Variants in TANGO6 observed in about 807,000 individuals in gnomAD.
TANGO6 encodes the protein transport and golgi organization 6 homolog, also known as transport and Golgi organization protein 6 homolog.
TANGO6 carries 90 observed loss-of-function variants against 114.2 expected under a neutral mutation model. The ratio of observed to expected loss-of-function variants is 0.79; its 90% CI spans 0.66 to 0.94. The LOEUF is 0.94. Among genes scored for constraint, TANGO6 ranks in the 40% least tolerant of loss-of-function variants. The probability of loss-of-function intolerance (pLI) is 0.00; values close to 1 mark genes in which losing one functional copy is unlikely to be tolerated. For synonymous variants in TANGO6, 477 were observed against 509.8 expected, an observed-to-expected ratio of 0.94 and a Z score of 0.87; for missense variants, 1,274 against 1,315.3, an observed-to-expected ratio of 0.97 and a Z score of 0.49.
chr16:69,075,023 G>T (rs886858402), intron 17 of TANGO6, among the ~76,000 whole-genome samples: 1 of 151,760 alleles, frequency 6.6e-6, no homozygotes, highest in Non-Finnish European at 1.5e-5. Context: ...TAATTTTTTA[G>T]TAGAGACGGG....
Position 68,907,562 on chromosome 16 carries a change from T to A in TANGO6, c.1787T>A (p.Ile596Asn). The change falls in exon 10 of 18, where the codon ATC becomes AAC. Residue 596 changes from isoleucine (I) to asparagine (N), a missense_variant. By Grantham distance (149) the Ile-to-Asn change is moderately radical (BLOSUM62 -3). This residue lies in a region of TANGO6 where 908 missense variants were observed against 910.2 expected (regional missense o/e 1.00). Coordinates refer to ENST00000261778, the MANE Select transcript of TANGO6 (RefSeq NM_024562.2). ...QECGLAGDFFIFCLKELTHVA... is the reference protein window; with the variant it reads ...QECGLAGDFFNFCLKELTHVA... ...TGCGGTTTGGCAGGAGACTTCTTCA[T>A]CTTCTGTTTGAAAGTAAGAACTACC... is the stretch of plus-strand genomic sequence containing the variant. 1 of 1,612,732 alleles carries A rather than the reference T, an allele frequency of 6.2e-7. No homozygotes were observed. The highest frequency in any genetic ancestry group is 8.5e-7 in the Non-Finnish European group (1 of 1,179,498).
intron 17 of TANGO6, among the ~76,000 whole-genome samples, chr16:69,063,984 G>C (rs933500895): frequency 2.6e-5 from 4 of 152,004 alleles, no homozygotes; most frequent in African/African-American, 9.7e-5. Context: ...TTACAGGCAT[G>C]TGCCACCACG....
At chr16:69,078,866 T>C (rs984529001) in intron 17 of TANGO6, among the ~76,000 whole-genome samples, 1 of 152,030 alleles carries the variant, frequency 6.6e-6, no homozygotes, top group African/African-American at 2.4e-5. Context: ...CTCAGCCTCC[T>C]ATCTCAGCCT....
chr16:69,054,796 C>T (rs1960007264), intron 17 of TANGO6, among the ~76,000 whole-genome samples: 1 of 150,968 alleles, frequency 6.6e-6, no homozygotes. Context: ...AAAAAATTAG[C>T]AGGGCGCGGT....
At chr16:68,928,117 C>G in intron 13 of TANGO6, 34 bp downstream of exon 13, 1 of 1,512,908 alleles carries the variant, frequency 6.6e-7, no homozygotes, top group Non-Finnish European at 8.8e-7. Context: ...CACATGGGCA[C>G]AGGGTGGGGC....
chr16:69,030,078 A>G (rs1959570405), intron 16 of TANGO6, among the ~76,000 whole-genome samples: 1 of 148,694 alleles, frequency 6.7e-6, no homozygotes, highest in Non-Finnish European at 1.5e-5. Flanking sequence ...ACCGCACCCC[A>G]GCCTGGGCGA....
chr16:69,072,884 A>T (rs1393678292), intron 17 of TANGO6, among the ~76,000 whole-genome samples: 1 of 151,996 alleles, frequency 6.6e-6, no homozygotes, highest in Non-Finnish European at 1.5e-5. Flanking sequence ...TAACAAGTAA[A>T]AGCTGACTTT....
At chr16:69,000,693 G>A (rs553732143) in intron 15 of TANGO6, among the ~76,000 whole-genome samples, 1 of 152,080 alleles carries the variant, frequency 6.6e-6, no homozygotes, top group Non-Finnish European at 1.5e-5. Flanking sequence ...CCACGTTCAG[G>A]CAATACTCCT....
At chr16:68,954,683 T>A (rs79322642) in intron 14 of TANGO6, among the ~76,000 whole-genome samples, 8,418 of 152,296 alleles carry the variant, frequency 0.055, 320 homozygotes, top group Non-Finnish European at 0.077. Flanking sequence ...GCAATGAGAA[T>A]GTTTGGATAT....
At chr16:68,892,339 G>A (rs541076900) in intron 7 of TANGO6, among the ~76,000 whole-genome samples, 179 of 152,254 alleles carry the variant, frequency 1.2e-3, no homozygotes, top group African/African-American at 4.2e-3. Context: ...AAGCCGAGGT[G>A]CAATTAGGAA....
rs34350425 is a variant in TANGO6 at position 69,020,904 on chromosome 16, ATGTGTGTG to A, written c.2843-1893_2843-1886del. Among the ~76,000 whole-genome samples the A allele has an allele frequency of 9.0e-3, 782 of 87,350 alleles. 9 individuals are homozygous for A. The highest frequency in any genetic ancestry group is 0.021 in the African/African-American group (748 of 34,908). The allele number at this position is 87,350 out of a possible 152,430, so 57.3% of individuals were successfully genotyped here. ...CCACCCCCCCTTTATATATGTATGTATGTGTGTGTGTGTGTGTGTGTGTGTGTGTGTGT... is the reference window on the plus strand; with the variant it reads ...CCACCCCCCCTTTATATATGTATGTATGTGTGTGTGTGTGTGTGTGTGTGT... On this transcript the variant is annotated intron_variant, in intron 15 of 17. Coordinates refer to ENST00000261778, the MANE Select transcript of TANGO6 (RefSeq NM_024562.2).
intron 16 of TANGO6, 123 bp from the exon 17 acceptor site, chr16:69,040,185 A>G: frequency 1.3e-6 from 1 of 784,624 alleles, no homozygotes; most frequent in Non-Finnish European, 2.1e-6. Flanking sequence ...TTAAGCAACT[A>G]TCCAGCCCTC....
chr16:68,979,150 G>A (rs936229604), intron 15 of TANGO6, among the ~76,000 whole-genome samples: 1 of 151,756 alleles, frequency 6.6e-6, no homozygotes, highest in Non-Finnish European at 1.5e-5. Context: ...CGACCCCCTG[G>A]GCTCAAGTGA....
chr16:69,003,918 T>A (rs1597054411), intron 15 of TANGO6, among the ~76,000 whole-genome samples: 1 of 152,028 alleles, frequency 6.6e-6, no homozygotes, highest in East Asian at 1.9e-4. Flanking sequence ...CTCTTTCCCC[T>A]ACTTACTGTT....
chr16:69,062,685 C>T (rs1243627189), intron 17 of TANGO6, among the ~76,000 whole-genome samples: 1 of 149,942 alleles, frequency 6.7e-6, no homozygotes, highest in African/African-American at 2.4e-5. Flanking sequence ...GTGGGCGAGG[C>T]TGGTCTGGAA....
chr16:68,962,754 T>C (rs539973045), intron 14 of TANGO6, among the ~76,000 whole-genome samples: 75 of 150,560 alleles, frequency 5.0e-4, no homozygotes, highest in African/African-American at 1.7e-3. Flanking sequence ...AGAGCAAAAC[T>C]CTGTCTCAAA....
At chr16:68,914,879 T>G (rs547235386) in intron 11 of TANGO6, among the ~76,000 whole-genome samples, 1,046 of 97,010 alleles carry the variant, frequency 0.011, 16 homozygotes, top group African/African-American at 0.044. Flanking sequence ...GTTCCCTGGG[T>G]TTTTTTTTTT....
chr16:68,909,170 C>T (rs369836929), intron 10 of TANGO6, 41 bp from the exon 11 acceptor site: 1 of 1,393,324 alleles, frequency 7.2e-7, no homozygotes, highest in African/African-American at 1.5e-5. Context: ...CTTAGTTGTA[C>T]TGGCTTTATC....
chr16:68,904,281 T>C (rs549525593), intron 9 of TANGO6, among the ~76,000 whole-genome samples: 17 of 152,096 alleles, frequency 1.1e-4, no homozygotes, highest in Non-Finnish European at 2.1e-4. Flanking sequence ...TAACGTCGTG[T>C]TGTTTTAGGA....
Sources: gnomAD v4.1 joint callset for allele counts (sites outside exome capture counted in the v4.1 genomes callset) on GRCh38, gnomAD v4.1.1 for gene constraint, gnomAD v4.1.1 regional missense constraint, MANE v1.5 for transcripts, NCBI Gene and HGNC (gene_info 2026-07-23, HGNC 2026-07-21) for gene names.